Variants in SMAD1 observed in about 807,000 individuals in gnomAD.
The protein encoded by SMAD1 is MAD, mothers against decapentaplegic homolog 1.
A neutral mutation model predicts 41.6 loss-of-function variants in SMAD1; 6 were observed. The observed-to-expected ratio is 0.14, with a 90% CI of 0.08 to 0.28. The LOEUF is 0.28. SMAD1 is among the 10% of genes least tolerant of loss of function. The pLI, the probability that SMAD1 is intolerant of heterozygous loss-of-function variation, is 1.00. For synonymous variants in SMAD1, 206 were observed against 203.2 expected (o/e 1.01, Z -0.12); for missense variants, 379 against 582.6 (o/e 0.65, Z 3.60).
intron 2 of SMAD1, among the ~76,000 whole-genome samples, chr4:145,533,677 A>G (rs1405630906): frequency 6.6e-6 from 1 of 152,250 alleles, no homozygotes; most frequent in African/African-American, 2.4e-5. Context: ...CCTGGGCAAC[A>G]TAGCAAGACC....
chr4:145,556,231 T>G (rs1732827444), intron 6 of SMAD1, among the ~76,000 whole-genome samples: 2 of 152,198 alleles, frequency 1.3e-5, no homozygotes, highest in East Asian at 1.9e-4. Context: ...TTATAGAGCT[T>G]CTGCTTTCTG....
At chr4:145,541,860 A>T (rs1731960697) in intron 3 of SMAD1, among the ~76,000 whole-genome samples, 1 of 152,114 alleles carries the variant, frequency 6.6e-6, no homozygotes, top group South Asian at 2.1e-4. Context: ...AGAAACCTAT[A>T]CCCTTTGTTT....
At chr4:145,553,009 A>G (rs767516850) in intron 5 of SMAD1, among the ~76,000 whole-genome samples, 1 of 151,724 alleles carries the variant, frequency 6.6e-6, no homozygotes, top group African/African-American at 2.4e-5. Context: ...GCCTCAAGCA[A>G]TCCTGCCACC....
chr4:145,519,978 G>A (rs1309510201), intron 2 of SMAD1, among the ~76,000 whole-genome samples: 1 of 152,096 alleles, frequency 6.6e-6, no homozygotes, highest in East Asian at 1.9e-4. Flanking sequence ...CTTTTTTAAG[G>A]CTGAATAGTA....
intron 1 of SMAD1, chr4:145,513,229 C>A (rs919782667): frequency 6.6e-6 from 1 of 152,086 alleles, no homozygotes; most frequent in African/African-American, 2.4e-5. Flanking sequence ...ATTGCATTTC[C>A]CCTCTCTCCA....
At chr4:145,492,938 A>G (rs985318864) in intron 1 of SMAD1, among the ~76,000 whole-genome samples, 2 of 152,232 alleles carry the variant, frequency 1.3e-5, no homozygotes, top group Non-Finnish European at 2.9e-5. Flanking sequence ...ACCTAACTGA[A>G]TTACATTCAG....
intron 5 of SMAD1, among the ~76,000 whole-genome samples, chr4:145,548,725 A>G (rs1732392323): frequency 6.6e-6 from 1 of 152,226 alleles, no homozygotes; most frequent in African/African-American, 2.4e-5. Flanking sequence ...AATATAAAGA[A>G]AATGTTTATG....
chr4:145,531,980 C>T (rs1731342950), intron 2 of SMAD1, among the ~76,000 whole-genome samples: 1 of 152,180 alleles, frequency 6.6e-6, no homozygotes, highest in Non-Finnish European at 1.5e-5. Context: ...GACTACTTTA[C>T]CACTGACAAC....
intron 1 of SMAD1, among the ~76,000 whole-genome samples, chr4:145,484,923 A>G (rs1728401651): frequency 6.6e-6 from 1 of 152,228 alleles, no homozygotes; most frequent in South Asian, 2.1e-4. Context: ...TATACCAGAA[A>G]CAAAGATATT....
chr4:145,490,724 T>C (rs1406134887), intron 1 of SMAD1, among the ~76,000 whole-genome samples: 1 of 152,172 alleles, frequency 6.6e-6, no homozygotes, highest in Non-Finnish European at 1.5e-5. Context: ...AATATCAAGT[T>C]TGGGAATTTG....
intron 1 of SMAD1, chr4:145,483,164 A>G (rs1157040113): frequency 6.6e-6 from 1 of 152,144 alleles, no homozygotes; most frequent in Non-Finnish European, 1.5e-5. Flanking sequence ...TCTCCTGAGA[A>G]AGCATCCTTT....
chr4:145,483,981 GTTA>G (rs1728334101), intron 1 of SMAD1, among the ~76,000 whole-genome samples: 1 of 152,146 alleles, frequency 6.6e-6, no homozygotes, highest in Admixed American at 6.5e-5. Flanking sequence ...GGAATTTTAT[GTTA>G]TTTTTACTAA....
intron 5 of SMAD1, among the ~76,000 whole-genome samples, chr4:145,553,092 T>G (rs1732640078): frequency 2.0e-5 from 3 of 151,102 alleles, no homozygotes; most frequent in Admixed American, 2.0e-4. Context: ...TTTTTTTTTT[T>G]TTGTGGAGAT....
chr4:145,523,085 A>G (rs965135924), intron 2 of SMAD1, among the ~76,000 whole-genome samples: 7 of 152,236 alleles, frequency 4.6e-5, no homozygotes, highest in African/African-American at 1.7e-4. Context: ...AATATTAACT[A>G]TAAAAATTAA....
chr4:145,514,681 G>C lies in SMAD1; in HGVS notation c.68G>C (p.Gly23Ala), dbSNP rs778232288. The C allele has an allele frequency of 3.1e-6, 5 of 1,613,906 alleles. No homozygotes were observed. In the East Asian group the frequency reaches 6.7e-5, roughly 22 times the overall value. ...AAGAGACTTCTTGGGTGGAAACAGG[G>C]CGATGAAGAAGAAAAATGGGCAGAG... is the stretch of plus-strand genomic sequence containing the variant. ...AVKRLLGWKQGDEEEKWAEKA... is the reference protein window; with the variant it reads ...AVKRLLGWKQADEEEKWAEKA... Residue 23 changes from glycine to alanine, a missense_variant, in exon 2 of 7, where the codon GGC (glycine) becomes GCC (alanine). Gly to Ala is a moderately conservative substitution (Grantham distance 60, BLOSUM62 0). Around this residue, in one of 3 missense-constraint regions of SMAD1, gnomAD observed 64 missense variants for 153.9 expected, o/e 0.42. Transcript: ENST00000302085. This position sits in a 1 kb window ranked among gnomAD's most constrained non-coding sequence, Gnocchi z 4.7.
chr4:145,553,106 G>T (rs1374525873), intron 5 of SMAD1, among the ~76,000 whole-genome samples: 1 of 150,902 alleles, frequency 6.6e-6, no homozygotes, highest in African/African-American at 2.4e-5. Context: ...TGGAGATGGG[G>T]TTTCACCGTG....
chr4:145,546,378 TTTC>T, intron 4 of SMAD1: 1 of 248,620 alleles, frequency 4.0e-6, no homozygotes, highest in South Asian at 7.4e-5. Flanking sequence ...GTAGGGGTGA[TTTC>T]CATTTCTGCA....
At position 145,553,652 on chromosome 4, in the gene SMAD1, C is replaced by T. The variant is rs541666144; in HGVS notation, c.998-132C>T. 4.5e-5 allele frequency: 36 copies of T among 804,626 alleles called. No homozygotes were observed. In the South Asian group the frequency reaches 4.8e-4, roughly 11 times the overall value. The allele number at this position is 804,626 out of a possible 1,614,324, so 49.8% of individuals were successfully genotyped here. ...GGTTGGGAACTCCTGTTGTACAGGA[C>T]CTAGAGAATAGCTAGCTAACTAGCC... On this transcript the variant is annotated intron_variant, in intron 5 of 6. Transcript: ENST00000302085.
At chr4:145,549,486 C>T (rs1732443115) in intron 5 of SMAD1, among the ~76,000 whole-genome samples, 1 of 152,160 alleles carries the variant, frequency 6.6e-6, no homozygotes. Flanking sequence ...GCGTGTGCAG[C>T]AGCAGTGGGG....
Sources: gnomAD v4.1 joint callset for allele counts (sites outside exome capture counted in the v4.1 genomes callset) on GRCh38, gnomAD v4.1.1 for gene constraint, gnomAD v4.1.1 regional missense constraint, Gnocchi (gnomAD v3.1) non-coding constraint, MANE v1.5 for transcripts, NCBI Gene and HGNC (gene_info 2026-07-23, HGNC 2026-07-21) for gene names.